Variants in FOXL2NB observed in about 807,000 individuals in gnomAD.
The protein encoded by FOXL2NB is FOXL2 neighbor protein.
In FOXL2NB, 10 loss-of-function variants were observed where a neutral mutation model predicts 7.4. The ratio of observed to expected loss-of-function variants is 1.34; its 90% CI spans 0.83 to 2.28. FOXL2NB has a LOEUF of 2.28. Ranked by LOEUF, FOXL2NB falls within the 30% of genes most tolerant of loss-of-function variation. The pLI is 0.00. For missense variants in FOXL2NB, 228 were observed against 233.9 expected, an observed-to-expected ratio of 0.97 and a Z score of 0.17; for synonymous variants, 104 against 105.3, an observed-to-expected ratio of 0.99 and a Z score of 0.08.
Position 138,949,783 on chromosome 3 carries a change from G to A in FOXL2NB, c.220+144G>A, listed in dbSNP as rs975328176. 1 of 1,267,194 alleles carries A rather than the reference G, an allele frequency of 7.9e-7. No homozygotes were observed. The highest frequency in any genetic ancestry group is 1.5e-5 in the African/African-American group (1 of 67,866). 78.5% of individuals were successfully genotyped at this position (1,267,194 alleles called of 1,614,324 possible). ...TCCTCTCCTTGCCGGCCCAGCCAGA[G>A]GTGGGTGAACCGGGCGCTCCAGGAA... On this transcript the variant is annotated intron_variant, in intron 2 of 2. Coordinates refer to ENST00000383165, the MANE Select transcript of FOXL2NB (RefSeq NM_001040061.3). This position sits in a 1 kb window ranked among gnomAD's most constrained non-coding sequence, Gnocchi z 4.5.
rs757845000 is a variant in FOXL2NB, at chr3:138,950,445, G to C, written c.401G>C (p.Gly134Ala). 6.2e-7 allele frequency: 1 copy of C among 1,614,104 alleles called. No homozygotes were observed. The highest frequency in any genetic ancestry group is 1.1e-5 in the South Asian group (1 of 91,086). Residue 134 changes from glycine (G) to alanine (A), a missense_variant, in exon 3 of 3, where the codon GGA becomes GCA. Transcript: ENST00000383165. ...NQVPLSPFLA[G>A]PRNTRRLPAP... ...GTTCCGCTGTCCCCTTTCCTAGCGG[G>C]ACCCCGAAACACCCGGCGGCTTCCC...
In FOXL2NB at chr3:138,953,556, A is replaced by G. The variant is rs547490281; in HGVS notation, c.*2984A>G. ...GTTGATGGGCATTTAGCCTTGTTCC[A>G]TATTTTTGTATGCAGTATAACTTAC... On this transcript the variant is annotated 3_prime_UTR_variant, in exon 3 of 3. Transcript: ENST00000383165. 3 of 152,282 alleles carry G rather than the reference A, an allele frequency of 2.0e-5. No individual in the cohort carries two copies. In the South Asian group the frequency reaches 6.2e-4, roughly 32 times the overall value. 9.4% of individuals were successfully genotyped at this position (152,282 alleles called of 1,614,324 possible).
chr3:138,949,417 T>A lies in FOXL2NB; in HGVS notation c.101-103T>A. The A allele has an allele frequency of 8.0e-7, 1 of 1,249,104 alleles. No homozygotes were observed. 77.4% of individuals were successfully genotyped at this position (1,249,104 alleles called of 1,614,324 possible). On this transcript the variant is annotated intron_variant, in intron 1 of 2. Coordinates refer to ENST00000383165, the MANE Select transcript of FOXL2NB (RefSeq NM_001040061.3). This position sits in a 1 kb window ranked among gnomAD's most constrained non-coding sequence, Gnocchi z 4.5. Reference sequence around the variant, plus strand: ...GTGTGTGTGTGTGTGTGTGTGTGTGTAGGGGTTGGGGGCAAATGAAGGAGT... The same window carrying A: ...GTGTGTGTGTGTGTGTGTGTGTGTGAAGGGGTTGGGGGCAAATGAAGGAGT...
Position 138,953,818 on chromosome 3 carries a change from T to G in FOXL2NB, c.*3246T>G, listed in dbSNP as rs1349686765. On this transcript the variant is annotated 3_prime_UTR_variant, in exon 3 of 3. Coordinates refer to ENST00000383165, the MANE Select transcript of FOXL2NB (RefSeq NM_001040061.3). ...TAGCATGTATGCCTTTATGTCTAGT[T>G]TTTTCTGTGCAACATATTTTTAATA... Among the ~76,000 whole-genome samples the G allele has an allele frequency of 2.0e-5, 3 of 152,246 alleles. No homozygotes were observed. The highest frequency in any genetic ancestry group is 4.4e-5 in the Non-Finnish European group (3 of 68,046).
At position 138,947,965 on chromosome 3, in the gene FOXL2NB, A is replaced by G. The variant is rs543667088; in HGVS notation, c.100+501A>G. On this transcript the variant is annotated intron_variant, in intron 1 of 2. Coordinates refer to ENST00000383165, the MANE Select transcript of FOXL2NB (RefSeq NM_001040061.3). This position sits in a 1 kb window ranked among gnomAD's most constrained non-coding sequence, Gnocchi z 5.2. ...GTCATGGAGAGGAGCTGTCCTTGAGATGGGTGAGATACCAGGTGCATGTGT... is the reference window on the plus strand; with the variant it reads ...GTCATGGAGAGGAGCTGTCCTTGAGGTGGGTGAGATACCAGGTGCATGTGT... The G allele has an allele frequency of 1.0e-6, 1 of 986,332 alleles. No homozygotes were observed. The highest frequency in any genetic ancestry group is 4.7e-5 in the South Asian group (1 of 21,328). The allele number at this position is 986,332 out of a possible 1,614,324, so 61.1% of individuals were successfully genotyped here.
Position 138,953,726 on chromosome 3 carries a change from C to T in FOXL2NB, c.*3154C>T, listed in dbSNP as rs1936177474. ...AATCAATATTGCCTCAAAAGGGAAACCATATTTGGATTTCTATCACCATAA... is the reference window on the plus strand; with the variant it reads ...AATCAATATTGCCTCAAAAGGGAAATCATATTTGGATTTCTATCACCATAA... On this transcript the variant is annotated 3_prime_UTR_variant, in exon 3 of 3. Transcript: ENST00000383165. Among the ~76,000 whole-genome samples, 2 of 151,244 alleles carry T rather than the reference C, an allele frequency of 1.3e-5. No individual in the cohort carries two copies. Among genetic ancestry groups the T allele is most frequent in the South Asian group, 2.1e-4 (1 of 4,758 alleles).
chr3:138,949,735 A>T lies in FOXL2NB; in HGVS notation c.220+96A>T. ...GCCAGGGGCTTCGGGCTGGAGATAG[A>T]GGAATCTAGGGAGAGAACAGAATCC... On this transcript the variant is annotated intron_variant, in intron 2 of 2. Coordinates refer to ENST00000383165, the MANE Select transcript of FOXL2NB (RefSeq NM_001040061.3). This position sits in a 1 kb window ranked among gnomAD's most constrained non-coding sequence, Gnocchi z 4.5. The T allele has an allele frequency of 6.4e-7, 1 of 1,554,010 alleles. No homozygotes were observed. Among genetic ancestry groups the T allele is most frequent in the Non-Finnish European group, 8.8e-7 (1 of 1,131,322 alleles).
At position 138,949,722 on chromosome 3, in the gene FOXL2NB, G is replaced by A. The variant is rs979443657; in HGVS notation, c.220+83G>A. ...CTTCTGCGGAAAAGCCAGGGGCTTC[G>A]GGCTGGAGATAGAGGAATCTAGGGA... On this transcript the variant is annotated intron_variant, in intron 2 of 2. Transcript: ENST00000383165. The surrounding 1 kb of genome is among the most constrained non-coding windows in gnomAD (Gnocchi z 4.5). 2.5e-6 allele frequency: 4 copies of A among 1,588,130 alleles called. No homozygotes were observed. Among genetic ancestry groups the A allele is most frequent in the African/African-American group, 2.7e-5 (2 of 74,518 alleles).
chr3:138,947,397 C>A lies in FOXL2NB; in HGVS notation c.33C>A (p.Thr11=). MTRTPVGSAR[T]RPKPRKLGPQ... is the part of the protein sequence containing the mutation. ...GGACCCCGGTGGGGTCTGCCCGCAC[C>A]CGGCCAAAGCCCAGGAAGCTCGGGC... Residue 11 remains threonine, a synonymous_variant, in exon 1 of 3, where the codon ACC becomes ACA. Coordinates refer to ENST00000383165, the MANE Select transcript of FOXL2NB (RefSeq NM_001040061.3). This position sits in a 1 kb window ranked among gnomAD's most constrained non-coding sequence, Gnocchi z 5.2. The A allele has an allele frequency of 6.5e-7, 1 of 1,548,694 alleles. No individual in the cohort carries two copies. Among genetic ancestry groups the A allele is most frequent in the Non-Finnish European group, 8.7e-7 (1 of 1,145,914 alleles).
Position 138,950,285 on chromosome 3 carries a change from C to G in FOXL2NB, c.241C>G (p.Arg81Gly). Residue 81 changes from arginine (R) to glycine (G), a missense_variant, in exon 3 of 3, where the codon CGG (arginine) becomes GGG (glycine). Physicochemically the swap from Arg to Gly is moderately radical, Grantham distance 125. Coordinates refer to ENST00000383165, the MANE Select transcript of FOXL2NB (RefSeq NM_001040061.3). ...CCCAGGGCCGGGAATCCTGCAACAG[C>G]GGCAGAAGCCGCCCGCGCCTCGGGC... ...QKTGPGILQQ[R>G]QKPPAPRASG... 2 of 1,604,968 alleles carry G rather than the reference C, an allele frequency of 1.2e-6. No homozygotes were observed. Among genetic ancestry groups the G allele is most frequent in the Non-Finnish European group, 1.7e-6 (2 of 1,177,654 alleles).
Position 138,953,631 on chromosome 3 carries a change from T to C in FOXL2NB, c.*3059T>C, listed in dbSNP as rs1936175954. Among the ~76,000 whole-genome samples the C allele has an allele frequency of 6.6e-6, 1 of 152,244 alleles. No homozygotes were observed. The highest frequency in any genetic ancestry group is 1.5e-5 in the Non-Finnish European group (1 of 68,050). On this transcript the variant is annotated 3_prime_UTR_variant, in exon 3 of 3. Transcript: ENST00000383165. ...ATGTATTCTGACATGTAATGCAGTA[T>C]GTAACCACCACCTGGATCAAGATAT...
In FOXL2NB at chr3:138,950,574, A is replaced by G; in HGVS notation, c.*2A>G. 1 of 1,613,772 alleles carries G rather than the reference A, an allele frequency of 6.2e-7. No individual in the cohort carries two copies. The highest frequency in any genetic ancestry group is 1.7e-4 in the Middle Eastern group (1 of 5,964). ...GGGAAGCTTCACTGTGTCTATTAGT[A>G]CATCCCCATACACTCCACGCCTCAA... On this transcript the variant is annotated 3_prime_UTR_variant, in exon 3 of 3. Coordinates refer to ENST00000383165, the MANE Select transcript of FOXL2NB (RefSeq NM_001040061.3).
Position 138,952,241 on chromosome 3 carries a change from G to A in FOXL2NB, c.*1669G>A, listed in dbSNP as rs1936145616. On this transcript the variant is annotated 3_prime_UTR_variant, in exon 3 of 3. Transcript: ENST00000383165. ...CCACCCGCACGCTAACCCATGAGGG[G>A]ATGCCAGAGAGAGCCCTTCCCCCTT... The A allele has an allele frequency of 6.6e-6, 1 of 152,206 alleles. No homozygotes were observed. Among genetic ancestry groups the A allele is most frequent in the Non-Finnish European group, 1.5e-5 (1 of 68,056 alleles). The allele number at this position is 152,206 out of a possible 1,614,324, so 9.4% of individuals were successfully genotyped here. A position where few individuals can be genotyped will look rare whatever the true frequency, so the allele number is the denominator to read the frequency against.
In FOXL2NB at chr3:138,950,848, G is replaced by A. The variant is rs978321880; in HGVS notation, c.*276G>A. The A allele has an allele frequency of 2.1e-6, 1 of 473,528 alleles. No individual in the cohort carries two copies. Among genetic ancestry groups the A allele is most frequent in the Non-Finnish European group, 3.7e-6 (1 of 270,030 alleles). The allele number at this position is 473,528 out of a possible 1,614,324, so 29.3% of individuals were successfully genotyped here. ...TGTCAAGCCAATGTGCAGACCCTAA[G>A]GCTTTTCACACGCTGCTCACTTTCG... is the stretch of plus-strand genomic sequence containing the variant. On this transcript the variant is annotated 3_prime_UTR_variant, in exon 3 of 3. Coordinates refer to ENST00000383165, the MANE Select transcript of FOXL2NB (RefSeq NM_001040061.3).
Position 138,949,391 on chromosome 3 carries a change from C to CAT in FOXL2NB, c.101-129_101-128insAT. ...AAGAGCCTGTGTGTGTATGCATGTGCGTGTGTGTGTGTGTGTGTGTGTGTG... is the reference window on the plus strand; with the variant it reads ...AAGAGCCTGTGTGTGTATGCATGTGCATGTGTGTGTGTGTGTGTGTGTGTGTG... On this transcript the variant is annotated intron_variant, in intron 1 of 2. Transcript: ENST00000383165. This position sits in a 1 kb window ranked among gnomAD's most constrained non-coding sequence, Gnocchi z 4.5. The CAT allele has an allele frequency of 4.9e-6, 4 of 817,350 alleles. No individual in the cohort carries two copies. In the East Asian group the frequency reaches 8.5e-5, roughly 17 times the overall value. 50.6% of individuals were successfully genotyped at this position (817,350 alleles called of 1,614,324 possible). A position where few individuals can be genotyped will look rare whatever the true frequency, so the allele number is the denominator to read the frequency against.
chr3:138,947,674 A>C lies in FOXL2NB; in HGVS notation c.100+210A>C. On this transcript the variant is annotated intron_variant, in intron 1 of 2. Coordinates refer to ENST00000383165, the MANE Select transcript of FOXL2NB (RefSeq NM_001040061.3). The surrounding 1 kb of genome is among the most constrained non-coding windows in gnomAD (Gnocchi z 5.2). ...GCCTGTCCCTCGCGCTCTCAGAGTG[A>C]CTGGGCTGGAATGGGGCAGGGGAGA... 1 of 1,337,152 alleles carries C rather than the reference A, an allele frequency of 7.5e-7. No homozygotes were observed. 82.8% of individuals were successfully genotyped at this position (1,337,152 alleles called of 1,614,324 possible).
rs756062895 is a variant in FOXL2NB at position 138,949,793 on chromosome 3, C to A, written c.220+154C>A. 1.2e-5 allele frequency: 14 copies of A among 1,130,806 alleles called. No homozygotes were observed. The highest frequency in any genetic ancestry group is 1.3e-5 in the Non-Finnish European group (10 of 769,988). The allele number at this position is 1,130,806 out of a possible 1,614,324, so 70.0% of individuals were successfully genotyped here. A position where few individuals can be genotyped will look rare whatever the true frequency, so the allele number is the denominator to read the frequency against. ...GCCGGCCCAGCCAGAGGTGGGTGAA[C>A]CGGGCGCTCCAGGAAACGGTGCGGG... On this transcript the variant is annotated intron_variant, in intron 2 of 2. Transcript: ENST00000383165. This position sits in a 1 kb window ranked among gnomAD's most constrained non-coding sequence, Gnocchi z 4.5.
rs1482289823 is a variant in FOXL2NB, at chr3:138,950,426, C to T, written c.382C>T (p.Leu128=). ...CGCCGGCTGCCTGAACCAGGTTCCG[C>T]TGTCCCCTTTCCTAGCGGGACCCCG... ...AAAGCLNQVP[L]SPFLAGPRNT... Residue 128 remains leucine (L), a synonymous_variant, in exon 3 of 3, where the codon CTG becomes TTG. Transcript: ENST00000383165. 6.2e-7 allele frequency: 1 copy of T among 1,613,914 alleles called. No homozygotes were observed. The highest frequency in any genetic ancestry group is 8.5e-7 in the Non-Finnish European group (1 of 1,180,030).
At position 138,949,729 on chromosome 3, in the gene FOXL2NB, A is replaced by C; in HGVS notation, c.220+90A>C. 1 of 1,569,602 alleles carries C rather than the reference A, an allele frequency of 6.4e-7. No homozygotes were observed. Among genetic ancestry groups the C allele is most frequent in the Non-Finnish European group, 8.7e-7 (1 of 1,144,204 alleles). On this transcript the variant is annotated intron_variant, in intron 2 of 2. Transcript: ENST00000383165. The surrounding 1 kb of genome is among the most constrained non-coding windows in gnomAD (Gnocchi z 4.5). ...GGAAAAGCCAGGGGCTTCGGGCTGG[A>C]GATAGAGGAATCTAGGGAGAGAACA...
Sources: allele counts gnomAD v4.1 joint callset (sites outside exome capture counted in the v4.1 genomes callset), GRCh38; gene constraint gnomAD v4.1.1; non-coding constraint Gnocchi (gnomAD v3.1); transcripts MANE v1.5; gene names NCBI Gene and HGNC (gene_info 2026-07-23, HGNC 2026-07-21).